The following NEK11 variants were observed in gnomAD, a reference collection of about 807,000 sequenced individuals.
The protein encoded by NEK11 is NIMA related kinase 11.
In NEK11, 72 loss-of-function variants were observed where a neutral mutation model predicts 80.7. That is an observed-to-expected ratio of 0.89 (90% CI 0.74 to 1.08). NEK11 has a LOEUF of 1.08. Among genes scored for constraint, NEK11 ranks in the 50% least tolerant of loss-of-function variants. The pLI is 0.00. For missense variants in NEK11, 764 were observed against 763.6 expected, an observed-to-expected ratio of 1.00 and a Z score of -0.01; for synonymous variants, 251 against 260.7, an observed-to-expected ratio of 0.96 and a Z score of 0.36.
intron 17 of NEK11, among the ~76,000 whole-genome samples, chr3:131,343,482 G>A (rs1196978894): frequency 6.6e-6 from 1 of 152,212 alleles, no homozygotes; most frequent in Non-Finnish European, 1.5e-5. Context: ...GAAAACAGGT[G>A]AAGTCATTGG....
intron 16 of NEK11, among the ~76,000 whole-genome samples, chr3:131,243,858 G>A (rs1417187766): frequency 6.6e-6 from 1 of 152,052 alleles, no homozygotes; most frequent in Non-Finnish European, 1.5e-5. Flanking sequence ...GTTAAGCTGG[G>A]AGGACCATCA....
At chr3:131,332,689 A>G (rs1331598740) in intron 17 of NEK11, among the ~76,000 whole-genome samples, 1 of 152,216 alleles carries the variant, frequency 6.6e-6, no homozygotes, top group African/African-American at 2.4e-5. Context: ...AGGAAATTCA[A>G]ACCAAAGGCA....
intron 17 of NEK11, among the ~76,000 whole-genome samples, chr3:131,331,626 C>A (rs561415617): frequency 6.6e-6 from 1 of 152,176 alleles, no homozygotes. Context: ...GTGGGTGCAG[C>A]GCACCGTGCG....
intron 15 of NEK11, among the ~76,000 whole-genome samples, chr3:131,229,593 G>A (rs1241169060): frequency 6.6e-6 from 1 of 151,904 alleles, no homozygotes; most frequent in African/African-American, 2.4e-5. Flanking sequence ...TTTTAATAAA[G>A]ACTATGCAAT....
chr3:131,098,556 C>T (rs1191758666), intron 4 of NEK11, among the ~76,000 whole-genome samples: 1 of 150,722 alleles, frequency 6.6e-6, no homozygotes, highest in Non-Finnish European at 1.5e-5. Flanking sequence ...TTGAGGAGTG[C>T]CTGTTCATGT....
chr3:131,231,329 C>G (rs375272592), intron 15 of NEK11, among the ~76,000 whole-genome samples: 34 of 150,608 alleles, frequency 2.3e-4, no homozygotes, highest in African/African-American at 8.0e-4. Flanking sequence ...CCTGCGGTCA[C>G]GTAGCTAGGC....
intron 16 of NEK11, among the ~76,000 whole-genome samples, chr3:131,246,109 T>G (rs1380975785): frequency 6.6e-6 from 1 of 152,132 alleles, no homozygotes; most frequent in Non-Finnish European, 1.5e-5. Context: ...CAAAAAAATT[T>G]TTTTTATTCC....
At chr3:131,230,753 C>G (rs1580575637) in intron 15 of NEK11, among the ~76,000 whole-genome samples, 2 of 152,134 alleles carry the variant, frequency 1.3e-5, no homozygotes, top group East Asian at 3.9e-4. Flanking sequence ...TCTATTGGGA[C>G]AAGATGCTAA....
chr3:131,221,103 G>A (rs1381921798), intron 14 of NEK11, among the ~76,000 whole-genome samples: 1 of 152,152 alleles, frequency 6.6e-6, no homozygotes, highest in African/African-American at 2.4e-5. Context: ...GTGGCAATTT[G>A]AAAGTCCTTA....
At position 131,125,373 on chromosome 3, in the gene NEK11, A is replaced by T. The variant is rs145355910; in HGVS notation, c.456-7372A>T. ...ACTATCATTAATTCTAATGGTAAAA[A>T]TTATTTTTATAATTGATATTTCTGG... On this transcript the variant is annotated intron_variant, in intron 5 of 17. Coordinates refer to ENST00000383366, the MANE Select transcript of NEK11 (RefSeq NM_024800.5). Among the ~76,000 whole-genome samples, 1,299 of 152,276 alleles carry T rather than the reference A, an allele frequency of 8.5e-3. 26 individuals are homozygous for T. Among genetic ancestry groups the T allele is most frequent in the African/African-American group, 0.03 (1,241 of 41,552 alleles).
At chr3:131,166,922 T>G (rs903230634) in intron 12 of NEK11, among the ~76,000 whole-genome samples, 1 of 152,218 alleles carries the variant, frequency 6.6e-6, no homozygotes, top group Non-Finnish European at 1.5e-5. Context: ...AAGGTGGCTC[T>G]TCTTCTCTGG....
intron 17 of NEK11, among the ~76,000 whole-genome samples, chr3:131,338,291 T>TC (rs2097225584): frequency 3.4e-5 from 5 of 148,140 alleles, no homozygotes; most frequent in Non-Finnish European, 5.9e-5. Flanking sequence ...TTTTTTTTTT[T>TC]AATACTAAGT....
At chr3:131,230,294 A>G (rs1176645926) in intron 15 of NEK11, among the ~76,000 whole-genome samples, 1 of 152,176 alleles carries the variant, frequency 6.6e-6, no homozygotes, top group African/African-American at 2.4e-5. Flanking sequence ...CACTTAGAAT[A>G]TAGGGTTGGA....
At position 131,170,776 on chromosome 3, in the gene NEK11, TC is replaced by T; in HGVS notation, c.1289del (p.Ser430LeufsTer6). 1 of 1,603,998 alleles carries T rather than the reference TC, an allele frequency of 6.2e-7. No homozygotes were observed. Among genetic ancestry groups the T allele is most frequent in the Non-Finnish European group, 8.5e-7 (1 of 1,170,722 alleles). On this transcript the variant is annotated frameshift_variant, in exon 14 of 18. Transcript: ENST00000383366. LOFTEE classifies it high-confidence loss of function. ...ATTGTTAATTACCTTCCACAAGGAA[TC>T]TGATGAACCAACTTTAGAGAACCTG... ...EERWQGREEE[S>X]DEPTLENLPE...
chr3:131,032,913 T>G (rs571458796), intron 3 of NEK11, among the ~76,000 whole-genome samples: 2 of 152,332 alleles, frequency 1.3e-5, no homozygotes, highest in African/African-American at 4.8e-5. Flanking sequence ...TACCACCCAA[T>G]GACTGCAATT....
At chr3:131,092,531 G>T (rs901300313) in intron 4 of NEK11, among the ~76,000 whole-genome samples, 5 of 152,154 alleles carry the variant, frequency 3.3e-5, no homozygotes, top group Non-Finnish European at 5.9e-5. Context: ...TACCGTATCA[G>T]ACATATTTAT....
At chr3:131,175,143 TTA>T in intron 14 of NEK11, 1 of 986,086 alleles carries the variant, frequency 1.0e-6, no homozygotes, top group Non-Finnish European at 1.2e-6. Flanking sequence ...ATTAAATATG[TTA>T]TGTTTTTATT....
intron 3 of NEK11, 116 bp downstream of exon 3, chr3:131,029,994 C>T (rs1205619398): frequency 1.1e-6 from 1 of 939,734 alleles, no homozygotes; most frequent in Non-Finnish European, 1.6e-6. Context: ...AATCCCAGCA[C>T]TGTGGGTGGC....
intron 3 of NEK11, 44 bp from the exon 4 acceptor site, chr3:131,080,379 T>C: frequency 7.1e-7 from 1 of 1,416,654 alleles, no homozygotes; most frequent in Non-Finnish European, 9.7e-7. Flanking sequence ...TTGTTAAATG[T>C]GTTTTTCAGC....
Sources: gnomAD v4.1 joint callset for allele counts (sites outside exome capture counted in the v4.1 genomes callset) on GRCh38, gnomAD v4.1.1 for gene constraint, MANE v1.5 for transcripts, NCBI Gene and HGNC (gene_info 2026-07-23, HGNC 2026-07-21) for gene names.